The following HMCN1 variants were observed in gnomAD, a reference collection of about 807,000 sequenced individuals.
The protein encoded by HMCN1 is hemicentin 1.
In HMCN1, 321 loss-of-function variants were observed where a neutral mutation model predicts 625.9. The observed-to-expected ratio is 0.51, with a 90% CI of 0.47 to 0.56. The LOEUF is 0.56. HMCN1 is among the 20% of genes least tolerant of loss of function. The pLI, the probability that HMCN1 is intolerant of heterozygous loss-of-function variation, is 0.00. For synonymous variants in HMCN1, 2,425 were observed against 2,417.6 expected, an observed-to-expected ratio of 1.00 and a Z score of -0.09; for missense variants, 6,588 against 6,887.3, an observed-to-expected ratio of 0.96 and a Z score of 1.54.
In HMCN1 at chr1:186,144,703, A is replaced by G. The variant is rs867759403; in HGVS notation, c.14266A>G (p.Thr4756Ala). ...TTTTTGCAACAGTGACCCTTGCCCA[A>G]GTGAGTGTTGGAAATAGTGAGTCAA... ...SDFCNSDPCP[T>A]HGNWSPWSGW... The change falls in exon 91 of 107, where the codon ACC becomes GCC. Residue 4756 changes from threonine (T) to alanine (A), a missense_variant and splice_region_variant. This residue lies in a region of HMCN1 where 1,954 missense variants were observed against 2,013.1 expected (regional missense o/e 0.97). Transcript: ENST00000271588. The G allele has an allele frequency of 3.1e-6, 5 of 1,614,062 alleles. No homozygotes were observed. In the South Asian group the frequency reaches 3.3e-5, roughly 11 times the overall value.
At chr1:185,798,125 C>T (rs912873554) in intron 1 of HMCN1, among the ~76,000 whole-genome samples, 2 of 151,950 alleles carry the variant, frequency 1.3e-5, no homozygotes, top group African/African-American at 2.4e-5. Flanking sequence ...AGCATTTACT[C>T]GTCTGGGAAA....
At chr1:186,152,578 T>C (rs1000635237) in intron 95 of HMCN1, among the ~76,000 whole-genome samples, 172 bp from the exon 96 acceptor site, 2 of 152,244 alleles carry the variant, frequency 1.3e-5, no homozygotes, top group African/African-American at 4.8e-5. Context: ...CTGAATTCAA[T>C]AAACCTAACT....
chr1:186,112,929 A>G lies in HMCN1; in HGVS notation c.11107A>G (p.Arg3703Gly). Residue 3703 changes from arginine to glycine, a missense_variant, in exon 72 of 107, where the codon AGA (arginine) becomes GGA (glycine). By Grantham distance (125) the Arg-to-Gly change is moderately radical. Transcript: ENST00000271588. Reference sequence around the variant, plus strand: ...CAGCAACATTGCAGGAAAGACTACAAGAGAATTTATTCTCACTGTAAATGG... The same window carrying G: ...CAGCAACATTGCAGGAAAGACTACAGGAGAATTTATTCTCACTGTAAATGG... ...VASNIAGKTT[R>G]EFILTVNVPP... 1 of 1,614,124 alleles carries G rather than the reference A, an allele frequency of 6.2e-7. No individual in the cohort carries two copies. The highest frequency in any genetic ancestry group is 8.5e-7 in the Non-Finnish European group (1 of 1,180,010).
At chr1:185,764,748 CAA>C (rs1655755309) in intron 1 of HMCN1, among the ~76,000 whole-genome samples, 1 of 151,800 alleles carries the variant, frequency 6.6e-6, no homozygotes, top group African/African-American at 2.4e-5. Context: ...AATGAGAGCT[CAA>C]GAGTATATTT....
Position 186,016,249 on chromosome 1 carries a change from G to A in HMCN1, c.5191+10G>A. ...GAAGTTGATGTCTTGGGTAAATAAGGATGCCACTGCCTGGGTTCTCAGATT... is the reference window on the plus strand; with the variant it reads ...GAAGTTGATGTCTTGGGTAAATAAGAATGCCACTGCCTGGGTTCTCAGATT... On this transcript the variant is annotated intron_variant, in intron 32 of 106. Transcript: ENST00000271588. 6.2e-7 allele frequency: 1 copy of A among 1,610,182 alleles called. No individual in the cohort carries two copies. Among genetic ancestry groups the A allele is most frequent in the Non-Finnish European group, 8.5e-7 (1 of 1,176,878 alleles).
chr1:185,805,218 A>G (rs556965785), intron 1 of HMCN1, among the ~76,000 whole-genome samples: 1 of 152,172 alleles, frequency 6.6e-6, no homozygotes, highest in Non-Finnish European at 1.5e-5. Flanking sequence ...AAAGACATTA[A>G]AATACTTTTC....
intron 13 of HMCN1, 59 bp from the exon 14 acceptor site, chr1:185,965,741 TAA>T: frequency 1.1e-6 from 1 of 950,854 alleles, no homozygotes. Context: ...TTAGTAAACA[TAA>T]ACAAAATCCA....
chr1:186,068,868 CAAAAAAAAAAAA>C (rs397862240), intron 50 of HMCN1, among the ~76,000 whole-genome samples: 3 of 76,774 alleles, frequency 3.9e-5, no homozygotes, highest in African/African-American at 5.5e-5. Flanking sequence ...GACTCGGTCT[CAAAAAAAAAAAA>C]AAAAAAAAAA....
At chr1:186,135,110 C>T (rs1199176835) in intron 86 of HMCN1, among the ~76,000 whole-genome samples, 3 of 152,134 alleles carry the variant, frequency 2.0e-5, no homozygotes, top group Non-Finnish European at 4.4e-5. Flanking sequence ...CTCTCTTTTT[C>T]CCAATGAAGT....
At chr1:185,896,421 G>C (rs59429085) in intron 4 of HMCN1, among the ~76,000 whole-genome samples, 9,663 of 144,900 alleles carry the variant, frequency 0.067, 1,078 homozygotes, top group African/African-American at 0.23. Flanking sequence ...AAACTCACGT[G>C]TACACCCATA....
chr1:186,166,774 G>A (rs776955737), intron 99 of HMCN1, 34 bp from the exon 100 acceptor site: 30 of 1,613,878 alleles, frequency 1.9e-5, no homozygotes, highest in African/African-American at 2.7e-5. Flanking sequence ...GTGTTCTTCA[G>A]CTCACCTCAG....
chr1:185,896,806 C>T (rs932474624), intron 4 of HMCN1, among the ~76,000 whole-genome samples: 2 of 152,114 alleles, frequency 1.3e-5, no homozygotes, highest in African/African-American at 2.4e-5. Flanking sequence ...AACGAGTGTA[C>T]CTGCTATTTG....
intron 1 of HMCN1, among the ~76,000 whole-genome samples, chr1:185,781,393 T>A (rs1212725737): frequency 6.6e-6 from 1 of 152,182 alleles, no homozygotes; most frequent in East Asian, 1.9e-4. Context: ...TCCTTTAGCT[T>A]TTGAATGTTT....
intron 68 of HMCN1, among the ~76,000 whole-genome samples, chr1:186,097,071 A>T (rs1660170782): frequency 6.6e-6 from 1 of 152,098 alleles, no homozygotes; most frequent in South Asian, 2.1e-4. Context: ...AAGACATCCA[A>T]ATTCGAAAGG....
At chr1:186,141,149 C>T (rs1649930453) in intron 89 of HMCN1, among the ~76,000 whole-genome samples, 1 of 152,134 alleles carries the variant, frequency 6.6e-6, no homozygotes, top group Non-Finnish European at 1.5e-5. Flanking sequence ...ATAGGGTTCG[C>T]ACTCCTATGA....
Position 185,889,872 on chromosome 1 carries a change from T to C in HMCN1, c.622-19465T>C, listed in dbSNP as rs1263048415. On this transcript the variant is annotated intron_variant, in intron 4 of 106. Coordinates refer to ENST00000271588, the MANE Select transcript of HMCN1 (RefSeq NM_031935.3). Reference sequence around the variant, plus strand: ...CTCTTTTTCTATTGATTGGAATAGTTTCAGAAGGAATGGTACCAGTTCCTC... The same window carrying C: ...CTCTTTTTCTATTGATTGGAATAGTCTCAGAAGGAATGGTACCAGTTCCTC... Among the ~76,000 whole-genome samples the C allele has an allele frequency of 4.8e-5, 7 of 146,960 alleles. No individual in the cohort carries two copies. In the South Asian group the frequency reaches 1.5e-3, roughly 31 times the overall value.
chr1:185,907,411 A>T (rs1265993096), intron 4 of HMCN1, among the ~76,000 whole-genome samples: 1 of 151,814 alleles, frequency 6.6e-6, no homozygotes, highest in Non-Finnish European at 1.5e-5. Context: ...GATCTCTAGG[A>T]TGAAATCCAA....
chr1:185,822,658 A>G (rs1054841469), intron 1 of HMCN1, among the ~76,000 whole-genome samples: 2 of 152,164 alleles, frequency 1.3e-5, no homozygotes, highest in Admixed American at 6.5e-5. Context: ...TTCTATTATT[A>G]TTTTGTTGAA....
chr1:185,947,706 C>A (rs1668416558), intron 11 of HMCN1, among the ~76,000 whole-genome samples: 1 of 152,130 alleles, frequency 6.6e-6, no homozygotes, highest in African/African-American at 2.4e-5. Context: ...TTTTAGTTTT[C>A]ATTTTTTTCT....
Sources: allele counts gnomAD v4.1 joint callset (sites outside exome capture counted in the v4.1 genomes callset), GRCh38; gene constraint gnomAD v4.1.1; regional missense constraint gnomAD v4.1.1; transcripts MANE v1.5; gene names NCBI Gene and HGNC (gene_info 2026-07-23, HGNC 2026-07-21).